Variants in VPS13B observed in about 807,000 individuals in gnomAD.
The protein encoded by VPS13B is intermembrane lipid transfer protein VPS13B.
VPS13B carries 285 observed loss-of-function variants against 426.4 expected under a neutral mutation model. That is an observed-to-expected ratio of 0.67 (90% CI 0.61 to 0.74). The LOEUF (loss-of-function observed/expected upper bound fraction) is 0.74. Ranked by LOEUF, VPS13B falls within the 30% of genes least tolerant of loss-of-function variation. VPS13B has a pLI of 0.00. For missense variants in VPS13B, 4,537 were observed against 4,782.6 expected (o/e 0.95, Z 1.51); for synonymous variants, 1,676 against 1,676.4 (o/e 1.00, Z 0.01).
chr8:99,165,843 A>C lies in VPS13B; in HGVS notation c.2209-4196A>C, dbSNP rs1290537883. 6.6e-5 allele frequency among the ~76,000 whole-genome samples: 10 copies of C among 152,256 alleles called. No individual in the cohort carries two copies. In the East Asian group the frequency reaches 1.7e-3, roughly 26 times the overall value. The stretch of plus-strand genomic sequence containing the variant: ...GTATATATTTTAGGCTTTGTGGACC[A>C]AGTGGCAAAATTGAGGATATTATGT... On this transcript the variant is annotated intron_variant, in intron 15 of 61. Transcript: ENST00000357162.
rs537825505 is a variant in VPS13B at position 99,331,159 on chromosome 8, C to A, written c.2825-53049C>A. On this transcript the variant is annotated intron_variant, in intron 19 of 61. Transcript: ENST00000357162. ...ATCTGGTTTGTGGCAGAGAATGAGA[C>A]CTATAGAAGAAAATTTAAACTTAAA... 9.2e-5 allele frequency among the ~76,000 whole-genome samples: 14 copies of A among 151,860 alleles called. 1 individual carries two copies. In the South Asian group the frequency reaches 2.9e-3, roughly 32 times the overall value.
At chr8:99,800,818 A>G (rs888478000) in intron 43 of VPS13B, among the ~76,000 whole-genome samples, 1 of 152,184 alleles carries the variant, frequency 6.6e-6, no homozygotes, top group Non-Finnish European at 1.5e-5. Context: ...TTGTGTTTAT[A>G]GTTATTTGTG....
intron 17 of VPS13B, among the ~76,000 whole-genome samples, chr8:99,249,701 A>G (rs989804550): frequency 5.3e-5 from 8 of 152,048 alleles, no homozygotes; most frequent in Non-Finnish European, 8.8e-5. Context: ...GGGATTACAG[A>G]TGTGAGCCAC....
intron 54 of VPS13B, among the ~76,000 whole-genome samples, chr8:99,846,903 G>A (rs931671794): frequency 1.6e-4 from 25 of 152,162 alleles, no homozygotes; most frequent in Non-Finnish European, 3.5e-4. Flanking sequence ...TGAAGTTATG[G>A]ACGGTGACTT....
chr8:99,480,959 T>C (rs1364362819), intron 24 of VPS13B, among the ~76,000 whole-genome samples: 1 of 152,216 alleles, frequency 6.6e-6, no homozygotes. Flanking sequence ...TGATTAATGC[T>C]TATTTATGAA....
rs546717866 is a variant in VPS13B, at chr8:99,590,604, A to G, written c.5220+12971A>G. ...TCATTTCGTTATTTACCAAGTAGTC[A>G]TTCAGGAGCAAGTTGTTCAGTTTCC... On this transcript the variant is annotated intron_variant, in intron 33 of 61. Coordinates refer to ENST00000357162, the MANE Select transcript of VPS13B (RefSeq NM_152564.5). Among the ~76,000 whole-genome samples the G allele has an allele frequency of 5.3e-5, 8 of 152,298 alleles. No individual in the cohort carries two copies. In the East Asian group the frequency reaches 1.5e-3, roughly 29 times the overall value.
chr8:99,677,100 G>C (rs184186425), intron 35 of VPS13B, among the ~76,000 whole-genome samples: 41 of 152,164 alleles, frequency 2.7e-4, no homozygotes, highest in African/African-American at 9.6e-4. Context: ...TGGGCAACAA[G>C]AACGAAACTC....
intron 35 of VPS13B, among the ~76,000 whole-genome samples, chr8:99,663,350 A>G (rs1830318288): frequency 6.6e-6 from 1 of 152,304 alleles, no homozygotes; most frequent in South Asian, 2.1e-4. Flanking sequence ...ATGAAGAACT[A>G]TTTCTAATCT....
intron 17 of VPS13B, among the ~76,000 whole-genome samples, chr8:99,241,821 A>G (rs999865254): frequency 2.0e-5 from 3 of 152,196 alleles, no homozygotes; most frequent in African/African-American, 7.2e-5. Context: ...TTGATCTTCA[A>G]ATTAATATTT....
At chr8:99,340,033 G>A (rs3103707) in intron 19 of VPS13B, among the ~76,000 whole-genome samples, 125,720 of 152,210 alleles carry the variant, frequency 0.83, 52,444 homozygotes, top group South Asian at 0.89. Context: ...CACTGTGAAC[G>A]CAGTTGCCCT....
chr8:99,113,665 A>G (rs1366330261), intron 6 of VPS13B, among the ~76,000 whole-genome samples: 1 of 152,084 alleles, frequency 6.6e-6, no homozygotes, highest in Non-Finnish European at 1.5e-5. Context: ...CCCGGGTTCA[A>G]GTGATTCTCC....
At chr8:99,218,929 A>G (rs530659957) in intron 17 of VPS13B, among the ~76,000 whole-genome samples, 3 of 152,240 alleles carry the variant, frequency 2.0e-5, no homozygotes, top group South Asian at 2.1e-4. Context: ...ATATGTTGCT[A>G]TGTGATACAG....
intron 19 of VPS13B, among the ~76,000 whole-genome samples, chr8:99,335,033 G>T (rs1335248241): frequency 1.3e-5 from 2 of 152,218 alleles, no homozygotes; most frequent in African/African-American, 4.8e-5. Context: ...CACAATTTCA[G>T]CTCCTGTTAT....
At chr8:99,096,523 A>G in intron 4 of VPS13B, 91 bp downstream of exon 4, 1 of 1,556,650 alleles carries the variant, frequency 6.4e-7, no homozygotes, top group Non-Finnish European at 8.8e-7. Context: ...TGGGGGGCTG[A>G]GGCGGGTGGA....
intron 22 of VPS13B, among the ~76,000 whole-genome samples, chr8:99,441,311 T>G: frequency 6.6e-6 from 1 of 152,138 alleles, no homozygotes; most frequent in South Asian, 2.1e-4. Flanking sequence ...AATATAATCA[T>G]GTTCTCACCA....
At chr8:99,698,186 C>T (rs1832111578) in intron 35 of VPS13B, among the ~76,000 whole-genome samples, 1 of 152,208 alleles carries the variant, frequency 6.6e-6, no homozygotes, top group East Asian at 1.9e-4. Flanking sequence ...CATGGATATT[C>T]ACTTAGTCTG....
At chr8:99,611,811 A>G (rs768674544) in intron 33 of VPS13B, among the ~76,000 whole-genome samples, 2 of 152,224 alleles carry the variant, frequency 1.3e-5, no homozygotes, top group Middle Eastern at 3.4e-3. Context: ...CTGTTCTGAT[A>G]GACTGGGTTT....
intron 39 of VPS13B, among the ~76,000 whole-genome samples, chr8:99,765,300 T>C (rs1198581449): frequency 6.6e-6 from 1 of 152,242 alleles, no homozygotes; most frequent in Non-Finnish European, 1.5e-5. Flanking sequence ...CGATCAGTCT[T>C]CTTAAACTGA....
At chr8:99,350,080 A>G (rs1216677763) in intron 19 of VPS13B, among the ~76,000 whole-genome samples, 1 of 152,198 alleles carries the variant, frequency 6.6e-6, no homozygotes, top group Non-Finnish European at 1.5e-5. Context: ...ACTTTCTTCA[A>G]TAAGTGAAGT....
Sources: allele counts gnomAD v4.1 joint callset (sites outside exome capture counted in the v4.1 genomes callset), GRCh38; gene constraint gnomAD v4.1.1; transcripts MANE v1.5; gene names NCBI Gene and HGNC (gene_info 2026-07-23, HGNC 2026-07-21).